SPATA46: variants seen among roughly 807,000 people sequenced by gnomAD.
SPATA46 encodes spermatogenesis associated 46.
SPATA46 carries 3 observed loss-of-function variants against 6.2 expected under a neutral mutation model. The ratio of observed to expected loss-of-function variants is 0.48; its 90% CI spans 0.22 to 1.25. The LOEUF (loss-of-function observed/expected upper bound fraction) is 1.25, where lower values mean the gene tolerates loss of function less well. Ranked by LOEUF, SPATA46 falls within the 50% of genes most tolerant of loss-of-function variation. SPATA46 has a pLI of 0.20. For missense variants in SPATA46, 308 were observed against 323.5 expected (o/e 0.95, Z 0.37); for synonymous variants, 117 against 123.3 (o/e 0.95, Z 0.34).
chr1:162,376,679 A>G lies in SPATA46; in HGVS notation c.103+9T>C. ...ACATCTTTGTGGCCCTAGTGGCACC[A>G]AAGTTTACCTGGCAGGCTGGTGGCA... On this transcript the variant is annotated intron_variant, in intron 1 of 2. Transcript: ENST00000367935. 1 of 1,613,012 alleles carries G rather than the reference A, an allele frequency of 6.2e-7. No individual in the cohort carries two copies. Among genetic ancestry groups the G allele is most frequent in the Non-Finnish European group, 8.5e-7 (1 of 1,179,134 alleles).
chr1:162,375,001 A>G (rs1254701160), intron 2 of SPATA46, among the ~76,000 whole-genome samples: 2 of 152,078 alleles, frequency 1.3e-5, no homozygotes, highest in Non-Finnish European at 2.9e-5. Context: ...TTCGCCACCC[A>G]TGGCTGTGAC....
intron 2 of SPATA46, among the ~76,000 whole-genome samples, chr1:162,374,955 G>A (rs747842471): frequency 2.0e-5 from 3 of 152,160 alleles, no homozygotes; most frequent in Non-Finnish European, 2.9e-5. Context: ...GTGACCCAGC[G>A]GATAGCCAAA....
Position 162,373,908 on chromosome 1 carries a change from A to G in SPATA46, c.*140T>C. 3 of 793,626 alleles carry G rather than the reference A, an allele frequency of 3.8e-6. No homozygotes were observed. In the South Asian group the frequency reaches 6.4e-5, roughly 17 times the overall value. The allele number at this position is 793,626 out of a possible 1,614,324, so 49.2% of individuals were successfully genotyped here. On this transcript the variant is annotated 3_prime_UTR_variant, in exon 3 of 3. Coordinates refer to ENST00000367935, the MANE Select transcript of SPATA46 (RefSeq NM_182581.4). ...TATTGTCTTTATTTTTAAAAGAGAG[A>G]AAGGGGAGGGTGTGTGCCTGGTGTT...
intron 2 of SPATA46, 37 bp from the exon 3 acceptor site, chr1:162,374,653 G>A: frequency 6.4e-7 from 1 of 1,553,070 alleles, no homozygotes; most frequent in Non-Finnish European, 8.7e-7. Flanking sequence ...TCTCTGGCAG[G>A]GAGCAGTGGA....
At chr1:162,376,094 A>T (rs1021965148) in intron 1 of SPATA46, among the ~76,000 whole-genome samples, 1 of 152,118 alleles carries the variant, frequency 6.6e-6, no homozygotes, top group Non-Finnish European at 1.5e-5. Flanking sequence ...GGAACCTGAG[A>T]TTCTGCATTT....
In SPATA46 at chr1:162,374,310, C is replaced by T. The variant is rs757981554; in HGVS notation, c.524G>A (p.Trp175Ter). 1.9e-6 allele frequency: 3 copies of T among 1,614,148 alleles called. No individual in the cohort carries two copies. Among genetic ancestry groups the T allele is most frequent in the South Asian group, 2.2e-5 (2 of 91,082 alleles). The change falls in exon 3 of 3, where the codon TGG becomes TAG. Residue 175 changes from tryptophan (W) to a stop codon, truncating the protein, a stop_gained. Transcript: ENST00000367935. LOFTEE classifies it low-confidence loss of function (END_TRUNC). ...TSQDILMASR[W>*]HPAQQNGYKC... Reference sequence around the variant, plus strand: ...GTAGCCATTCTGCTGTGCTGGGTGCCACCTGGAAGCCATTAGGATGTCCTG... The same window carrying T: ...GTAGCCATTCTGCTGTGCTGGGTGCTACCTGGAAGCCATTAGGATGTCCTG...
rs1240262919 is a variant in SPATA46 at position 162,375,366 on chromosome 1, G to T, written c.141C>A (p.Ser47Arg). The T allele has an allele frequency of 6.2e-7, 1 of 1,614,146 alleles. No homozygotes were observed. The highest frequency in any genetic ancestry group is 1.3e-5 in the African/African-American group (1 of 75,028). The change falls in exon 2 of 3, where the codon AGC becomes AGA. Residue 47 changes from serine (S) to arginine (R), a missense_variant. Coordinates refer to ENST00000367935, the MANE Select transcript of SPATA46 (RefSeq NM_182581.4). ...AKTAVPTEAS[S>R]PAQALPPQYQ... ...ACTGGGGTGGCAGGGCCTGAGCTGGGCTGGATGCCTCAGTGGGTACTGCTG... is the reference window on the plus strand; with the variant it reads ...ACTGGGGTGGCAGGGCCTGAGCTGGTCTGGATGCCTCAGTGGGTACTGCTG...
Position 162,376,768 on chromosome 1 carries a change from C to G in SPATA46, c.23G>C (p.Ser8Thr). 6.2e-7 allele frequency: 1 copy of G among 1,614,044 alleles called. No individual in the cohort carries two copies. ...GGAAGAGATTGGAGGTCCAGAGATG[C>G]TGAGGAGTGAGAAGTTCTCCATATT... MENFSLL[S>T]ISGPPISSSA... is the part of the protein sequence containing the mutation. Residue 8 changes from serine (S) to threonine (T), a missense_variant, in exon 1 of 3, where the codon AGC becomes ACC. Physicochemically the swap from Ser to Thr is moderately conservative, Grantham distance 58 (BLOSUM62 1). Transcript: ENST00000367935.
rs1316697357 is a variant in SPATA46 at position 162,374,560 on chromosome 1, A to T, written c.274T>A (p.Tyr92Asn). 2 of 1,614,048 alleles carry T rather than the reference A, an allele frequency of 1.2e-6. No individual in the cohort carries two copies. Among genetic ancestry groups the T allele is most frequent in the Non-Finnish European group, 1.7e-6 (2 of 1,180,032 alleles). The change falls in exon 3 of 3, where the codon TAC becomes AAC. Residue 92 changes from tyrosine to asparagine, a missense_variant. Coordinates refer to ENST00000367935, the MANE Select transcript of SPATA46 (RefSeq NM_182581.4). Reference sequence around the variant, plus strand: ...CTGTAGGGGGAGAACCAGGGCCGGTAGATAGTGCAGTTCCGCCTCAGCTTC... The same window carrying T: ...CTGTAGGGGGAGAACCAGGGCCGGTTGATAGTGCAGTTCCGCCTCAGCTTC... ...GEKLRRNCTI[Y>N]RPWFSPYSYF...
At chr1:162,375,514 G>A (rs1268328646) in intron 1 of SPATA46, 111 bp from the exon 2 acceptor site, 19 of 775,142 alleles carry the variant, frequency 2.5e-5, no homozygotes, top group South Asian at 4.8e-5. Flanking sequence ...GCATCTCAAC[G>A]CTGAAACAGA....
At position 162,376,670 on chromosome 1, in the gene SPATA46, A is replaced by G. The variant is rs575365442; in HGVS notation, c.103+18T>C. The G allele has an allele frequency of 6.2e-7, 1 of 1,603,286 alleles. No individual in the cohort carries two copies. Among genetic ancestry groups the G allele is most frequent in the East Asian group, 2.2e-5 (1 of 44,836 alleles). ...AAAAAAACCACATCTTTGTGGCCCT[A>G]GTGGCACCAAAGTTTACCTGGCAGG... is the stretch of plus-strand genomic sequence containing the variant. On this transcript the variant is annotated intron_variant, in intron 1 of 2. Transcript: ENST00000367935.
At chr1:162,375,133 G>T (rs959112206) in intron 2 of SPATA46, among the ~76,000 whole-genome samples, 157 bp downstream of exon 2, 2 of 152,196 alleles carry the variant, frequency 1.3e-5, no homozygotes, top group African/African-American at 4.8e-5. Flanking sequence ...AGGCCTGTGG[G>T]TGTCTACCAA....
Position 162,374,412 on chromosome 1 carries a change from G to T in SPATA46, c.422C>A (p.Ser141Tyr). ...GCAAGTGTTCTCTGGGGAGGAAGAGGACGAACAGATGTTCTCAGCCATGTC... is the reference window on the plus strand; with the variant it reads ...GCAAGTGTTCTCTGGGGAGGAAGAGTACGAACAGATGTTCTCAGCCATGTC... ...SEDMAENICS[S>Y]SSSPENTCPR... Residue 141 changes from serine (S) to tyrosine (Y), a missense_variant, in exon 3 of 3, where the codon TCC becomes TAC. Ser to Tyr is a moderately radical substitution (Grantham distance 144, BLOSUM62 -2). Coordinates refer to ENST00000367935, the MANE Select transcript of SPATA46 (RefSeq NM_182581.4). 6.2e-7 allele frequency: 1 copy of T among 1,614,234 alleles called. No individual in the cohort carries two copies. Among genetic ancestry groups the T allele is most frequent in the Non-Finnish European group, 8.5e-7 (1 of 1,180,042 alleles).
Position 162,375,278 on chromosome 1 carries a change from A to T in SPATA46, c.217+12T>A. On this transcript the variant is annotated intron_variant, in intron 2 of 2. Coordinates refer to ENST00000367935, the MANE Select transcript of SPATA46 (RefSeq NM_182581.4). ...CTCACACATTCCCGCCCAGAGTCAGAGAAGTCCTCACCTGGTGAGAGCGCT... is the reference window on the plus strand; with the variant it reads ...CTCACACATTCCCGCCCAGAGTCAGTGAAGTCCTCACCTGGTGAGAGCGCT... 6.3e-7 allele frequency: 1 copy of T among 1,597,028 alleles called. No individual in the cohort carries two copies. The highest frequency in any genetic ancestry group is 8.6e-7 in the Non-Finnish European group (1 of 1,164,524).
Position 162,374,154 on chromosome 1 carries a change from T to C in SPATA46, c.680A>G (p.Gln227Arg), listed in dbSNP as rs745320563. 6.8e-6 allele frequency: 11 copies of C among 1,614,144 alleles called. No homozygotes were observed. The highest frequency in any genetic ancestry group is 5.9e-6 in the Non-Finnish European group (7 of 1,180,048). The change falls in exon 3 of 3, where the codon CAG (glutamine) becomes CGG (arginine). Residue 227 changes from glutamine (Q) to arginine (R), a missense_variant. By Grantham distance (43) the Gln-to-Arg change is conservative. Transcript: ENST00000367935. ...RKLKALWSKE[Q>R]KARLGDRLSS... is the part of the protein sequence containing the mutation. ...GAGCCTGTCTCCCAGCCGGGCCTTCTGCTCCTTGCTCCAGAGGGCTTTGAG... is the reference window on the plus strand; with the variant it reads ...GAGCCTGTCTCCCAGCCGGGCCTTCCGCTCCTTGCTCCAGAGGGCTTTGAG...
chr1:162,374,472 T>A lies in SPATA46; in HGVS notation c.362A>T (p.Gln121Leu), dbSNP rs1161953040. The A allele has an allele frequency of 6.2e-7, 1 of 1,614,212 alleles. No homozygotes were observed. Among genetic ancestry groups the A allele is most frequent in the African/African-American group, 1.3e-5 (1 of 75,070 alleles). Residue 121 changes from glutamine to leucine, a missense_variant, in exon 3 of 3, where the codon CAG becomes CTG. Transcript: ENST00000367935. ...GCAGTTGTCCCACTTGCCCTCATCC[T>A]GCTGCACCTCTGGGAAGTCATAGGC... ...LEAYDFPEVQ[Q>L]DEGKWDNCLS...
chr1:162,376,052 AAC>A (rs1647651472), intron 1 of SPATA46, among the ~76,000 whole-genome samples: 1 of 152,210 alleles, frequency 6.6e-6, no homozygotes, highest in Admixed American at 6.5e-5. Flanking sequence ...TCTTGTTAAT[AAC>A]ACAGATGCTG....
chr1:162,375,162 G>A (rs1192047650), intron 2 of SPATA46, 128 bp downstream of exon 2: 2 of 749,502 alleles, frequency 2.7e-6, no homozygotes, highest in East Asian at 2.5e-5. Flanking sequence ...GGGCCAGATA[G>A]GAGGCTGCAG....
At chr1:162,374,843 C>T (rs2101840638) in intron 2 of SPATA46, among the ~76,000 whole-genome samples, 1 of 152,318 alleles carries the variant, frequency 6.6e-6, no homozygotes, top group East Asian at 1.9e-4. Flanking sequence ...GATCTTGGGG[C>T]AGGAGAGGCT....
Sources: allele counts gnomAD v4.1 joint callset (sites outside exome capture counted in the v4.1 genomes callset), GRCh38; gene constraint gnomAD v4.1.1; transcripts MANE v1.5; gene names NCBI Gene and HGNC (gene_info 2026-07-23, HGNC 2026-07-21).